PRKN: variants seen among roughly 807,000 people sequenced by gnomAD.
The protein encoded by PRKN is E3 ubiquitin-protein ligase parkin.
In PRKN, 56 loss-of-function variants were observed where a neutral mutation model predicts 59.5. The observed-to-expected ratio is 0.94, with a 90% CI of 0.76 to 1.18. The LOEUF (loss-of-function observed/expected upper bound fraction) is 1.18, where lower values mean the gene tolerates loss of function less well. Among genes scored for constraint, PRKN ranks in the 50% most tolerant of loss-of-function variants. PRKN has a pLI of 0.00. For synonymous variants in PRKN, 250 were observed against 222.1 expected, an observed-to-expected ratio of 1.13 and a Z score of -1.12; for missense variants, 657 against 596.4, an observed-to-expected ratio of 1.10 and a Z score of -1.06.
In PRKN at chr6:162,258,936, G is replaced by T. The variant is rs142755508; in HGVS notation, c.412+3589C>A. Among the ~76,000 whole-genome samples the T allele has an allele frequency of 6.8e-4, 104 of 152,198 alleles. No homozygotes were observed. In the East Asian group the frequency reaches 0.015, roughly 22 times the overall value. ...TTTGCCAACTAAAAATACTTGAAAG[G>T]CACCTTCTCGGGTTTCAGAAGTTTC... On this transcript the variant is annotated intron_variant, in intron 3 of 11. Transcript: ENST00000366898.
chr6:162,222,783 C>A (rs1583221529), intron 3 of PRKN, among the ~76,000 whole-genome samples: 1 of 152,046 alleles, frequency 6.6e-6, no homozygotes, highest in African/African-American at 2.4e-5. Context: ...ATTTATTACA[C>A]AGCAAAAAAT....
chr6:161,729,992 T>C (rs1787609836), intron 7 of PRKN, among the ~76,000 whole-genome samples: 1 of 152,200 alleles, frequency 6.6e-6, no homozygotes. Context: ...ATGTGTTGCA[T>C]TCTGATATGT....
At chr6:162,306,895 G>A (rs1314200602) in intron 2 of PRKN, among the ~76,000 whole-genome samples, 4 of 152,176 alleles carry the variant, frequency 2.6e-5, no homozygotes, top group Non-Finnish European at 4.4e-5. Flanking sequence ...CGATGGACAC[G>A]ATCACCAGTG....
At chr6:162,500,418 C>T (rs1158286051) in intron 1 of PRKN, among the ~76,000 whole-genome samples, 2 of 113,760 alleles carry the variant, frequency 1.8e-5, no homozygotes, top group African/African-American at 3.2e-5. Context: ...GTGATCCACC[C>T]GCCTCAGACT....
intron 6 of PRKN, among the ~76,000 whole-genome samples, chr6:161,946,412 ACACTCTCTCTCTCTCT>A (rs1369855632): frequency 4.2e-5 from 4 of 94,212 alleles, no homozygotes; most frequent in South Asian, 4.6e-4. Flanking sequence ...ACACACACAC[ACACTCTCTCTCTCTCT>A]CTCTCTCTCT....
intron 6 of PRKN, among the ~76,000 whole-genome samples, chr6:161,940,012 C>T (rs1779500883): frequency 1.3e-5 from 2 of 152,006 alleles, no homozygotes; most frequent in Non-Finnish European, 2.9e-5. Context: ...AATTCTCTGC[C>T]ACCATCTCCC....
rs1278967124 is a variant in PRKN at position 161,931,526 on chromosome 6, C to A, written c.734+41776G>T. Among the ~76,000 whole-genome samples, 3 of 152,208 alleles carry A rather than the reference C, an allele frequency of 2.0e-5. No individual in the cohort carries two copies. In the East Asian group the frequency reaches 5.8e-4, roughly 29 times the overall value. On this transcript the variant is annotated intron_variant, in intron 6 of 11. Coordinates refer to ENST00000366898, the MANE Select transcript of PRKN (RefSeq NM_004562.3). ...TATCCCTTGATATTGAACTTCCCAG[C>A]CTCCAAAATTGTAAAAAGTAGATTT...
At chr6:162,270,377 G>C (rs1292212578) in intron 2 of PRKN, 1 of 152,102 alleles carries the variant, frequency 6.6e-6, no homozygotes, top group Non-Finnish European at 1.5e-5. Context: ...AGGGTGGGAG[G>C]GGAGTGAGGG....
chr6:162,294,729 A>G (rs1284245201), intron 2 of PRKN, among the ~76,000 whole-genome samples: 2 of 151,974 alleles, frequency 1.3e-5, no homozygotes, highest in Non-Finnish European at 2.9e-5. Context: ...ATAAGAATAG[A>G]ATAAGAGTAA....
chr6:162,684,053 T>C (rs1274682702), intron 1 of PRKN, among the ~76,000 whole-genome samples: 1 of 152,164 alleles, frequency 6.6e-6, no homozygotes, highest in Non-Finnish European at 1.5e-5. Context: ...TGGTATTCCA[T>C]TACATATAAT....
chr6:162,221,175 G>A (rs1777915872), intron 3 of PRKN, among the ~76,000 whole-genome samples: 1 of 152,156 alleles, frequency 6.6e-6, no homozygotes, highest in African/African-American at 2.4e-5. Context: ...TTCTTCCCAT[G>A]ATGTGTATTC....
chr6:161,909,324 C>T (rs1355593558), intron 6 of PRKN, among the ~76,000 whole-genome samples: 1 of 152,206 alleles, frequency 6.6e-6, no homozygotes, highest in Non-Finnish European at 1.5e-5. Flanking sequence ...TTTTCCCCAA[C>T]TCTCAGTTCA....
intron 6 of PRKN, among the ~76,000 whole-genome samples, chr6:161,943,290 C>T (rs904733975): frequency 6.6e-6 from 1 of 152,202 alleles, no homozygotes; most frequent in African/African-American, 2.4e-5. Flanking sequence ...AATTAACAAA[C>T]CACAAAATTC....
At chr6:162,481,061 G>A (rs2128182192) in intron 1 of PRKN, among the ~76,000 whole-genome samples, 1 of 152,130 alleles carries the variant, frequency 6.6e-6, no homozygotes, top group African/African-American at 2.4e-5. Flanking sequence ...GACCTCAAGT[G>A]ATCTGCCTAC....
intron 4 of PRKN, among the ~76,000 whole-genome samples, chr6:162,195,121 T>C (rs1784438824): frequency 6.6e-6 from 1 of 152,204 alleles, no homozygotes; most frequent in South Asian, 2.1e-4. Context: ...TTTAACACTG[T>C]AACGCGATGC....
At chr6:162,659,971 A>G (rs2128228034) in intron 1 of PRKN, among the ~76,000 whole-genome samples, 1 of 152,220 alleles carries the variant, frequency 6.6e-6, no homozygotes, top group East Asian at 1.9e-4. Context: ...CAATATTAAA[A>G]ACCCTGTGAA....
intron 9 of PRKN, among the ~76,000 whole-genome samples, chr6:161,398,965 C>A (rs1326658275): frequency 1.3e-5 from 2 of 152,210 alleles, no homozygotes; most frequent in African/African-American, 4.8e-5. Flanking sequence ...CCTGTTTTCA[C>A]ACCCAAATGT....
rs1464115431 is a variant in PRKN, at chr6:161,546,660, A to T, written c.1083+2194T>A. 1.3e-5 allele frequency among the ~76,000 whole-genome samples: 2 copies of T among 151,444 alleles called. No homozygotes were observed. The highest frequency in any genetic ancestry group is 2.9e-5 in the Non-Finnish European group (2 of 67,928). On this transcript the variant is annotated intron_variant, in intron 9 of 11. Transcript: ENST00000366898. This position sits in a 1 kb window ranked among gnomAD's most constrained non-coding sequence, Gnocchi z 4.4. ...AAAATACGTTCATAAATTCTTTGAC[A>T]CTCTTTAAGATGGAGCCCAACTCCC...
chr6:162,325,652 T>C (rs975600416), intron 2 of PRKN, among the ~76,000 whole-genome samples: 2 of 152,172 alleles, frequency 1.3e-5, no homozygotes, highest in Non-Finnish European at 2.9e-5. Flanking sequence ...ACAAGCTTCC[T>C]GAATTTCACA....
Sources: allele counts gnomAD v4.1 joint callset (sites outside exome capture counted in the v4.1 genomes callset), GRCh38; gene constraint gnomAD v4.1.1; non-coding constraint Gnocchi (gnomAD v3.1); transcripts MANE v1.5; gene names NCBI Gene and HGNC (gene_info 2026-07-23, HGNC 2026-07-21).